Variants in TCF20 observed in about 807,000 individuals in gnomAD.
TCF20 encodes SPRE-binding protein.
A neutral mutation model predicts 148.6 loss-of-function variants in TCF20; 3 were observed. The ratio of observed to expected loss-of-function variants is 0.02; its 90% confidence interval spans 0.01 to 0.05. The LOEUF (loss-of-function observed/expected upper bound fraction) is 0.05, where lower values mean the gene tolerates loss of function less well. Among genes scored for constraint, TCF20 ranks in the 10% least tolerant of loss-of-function variants. The probability of loss-of-function intolerance (pLI) is 1.00; values close to 1 mark genes in which losing one functional copy is unlikely to be tolerated. For missense variants in TCF20, 2,350 were observed against 2,429.3 expected (o/e 0.97, Z 0.69); for synonymous variants, 1,049 against 909.5 (o/e 1.15, Z -2.76).
rs1273937932 is a variant in TCF20 at position 42,317,872 on chromosome 22, C to T, written c.-37+25607G>A. ...CCCATGAGCCAGTAAGAGCCAGATC[C>T]CACTCGAGCCCAGGCGGGGCACCCT... is the stretch of plus-strand genomic sequence containing the variant. On this transcript the variant is annotated intron_variant, in intron 1 of 1. Coordinates refer to the TCF20 transcript ENST00000515426. The surrounding 1 kb of genome is among the most constrained non-coding windows in gnomAD (Gnocchi z 4.2). 6.6e-6 allele frequency among the ~76,000 whole-genome samples: 1 copy of T among 152,214 alleles called. No individual in the cohort carries two copies. Among genetic ancestry groups the T allele is most frequent in the African/African-American group, 2.4e-5 (1 of 41,456 alleles).
upstream of TCF20, among the ~76,000 whole-genome samples, chr22:42,287,885 G>T (rs2147023248): frequency 6.6e-6 from 1 of 151,968 alleles, no homozygotes; most frequent in Non-Finnish European, 1.5e-5. Flanking sequence ...GAAAAGAAAA[G>T]AAAAAAAAGT....
intron 2 of TCF20, among the ~76,000 whole-genome samples, chr22:42,203,688 G>C (rs1184876338): frequency 6.6e-6 from 1 of 152,190 alleles, no homozygotes; most frequent in Non-Finnish European, 1.5e-5. Context: ...CCACCGCCTA[G>C]AGAGTGAGAA....
chr22:42,242,655 G>A (rs189087889), intron 1 of TCF20, among the ~76,000 whole-genome samples: 9 of 152,248 alleles, frequency 5.9e-5, no homozygotes, highest in East Asian at 1.9e-4. Flanking sequence ...GGGAGGCTGA[G>A]GCACGCGGAT....
At chr22:42,320,568 CTAGCACT>C (rs896950256) in intron 1 of TCF20, among the ~76,000 whole-genome samples, 8 of 152,238 alleles carry the variant, frequency 5.3e-5, no homozygotes, top group Non-Finnish European at 2.9e-5. Context: ...TCCCTCTCCC[CTAGCACT>C]TCATCTCCAG....
At position 42,299,303 on chromosome 22, in the gene TCF20, G is replaced by T. The variant is rs893733351; in HGVS notation, c.-37+44176C>A. Among the ~76,000 whole-genome samples, 40 of 152,096 alleles carry T rather than the reference G, an allele frequency of 2.6e-4. No individual in the cohort carries two copies. The highest frequency in any genetic ancestry group is 8.9e-4 in the African/African-American group (37 of 41,378). On this transcript the variant is annotated intron_variant, in intron 1 of 1. Coordinates refer to the TCF20 transcript ENST00000515426. This position sits in a 1 kb window ranked among gnomAD's most constrained non-coding sequence, Gnocchi z 4.1. Reference sequence around the variant, plus strand: ...GTCTGGCTGGGGGTGCAGGAACTGAGGGTCCTTCCCAGCCCCTCTCCCCAC... The same window carrying T: ...GTCTGGCTGGGGGTGCAGGAACTGATGGTCCTTCCCAGCCCCTCTCCCCAC...
intron 1 of TCF20, among the ~76,000 whole-genome samples, chr22:42,295,200 G>C (rs957729349): frequency 3.3e-5 from 5 of 152,168 alleles, no homozygotes; most frequent in Non-Finnish European, 7.3e-5. Flanking sequence ...GGAGAGAGAA[G>C]ACAGTAACAT....
chr22:42,319,095 G>C (rs73886039), intron 1 of TCF20, among the ~76,000 whole-genome samples: 92 of 152,350 alleles, frequency 6.0e-4, no homozygotes, highest in African/African-American at 2.2e-3. Context: ...CAGGCTGGCC[G>C]TGGGAGGGCA....
chr22:42,205,566 A>G (rs1569137887), intron 2 of TCF20, among the ~76,000 whole-genome samples: 1 of 152,266 alleles, frequency 6.6e-6, no homozygotes, highest in Non-Finnish European at 1.5e-5. Context: ...TCTATCTGCT[A>G]AAACCTAGTA....
chr22:42,203,756 C>CT (rs1938199770), intron 2 of TCF20, among the ~76,000 whole-genome samples: 1 of 151,858 alleles, frequency 6.6e-6, no homozygotes, highest in East Asian at 1.9e-4. Flanking sequence ...AGAGAGGGGG[C>CT]TGGGAGGGAG....
rs900757131 is a variant in TCF20 at position 42,297,252 on chromosome 22, G to A, written c.-37+46227C>T. Among the ~76,000 whole-genome samples, 8 of 152,180 alleles carry A rather than the reference G, an allele frequency of 5.3e-5. No individual in the cohort carries two copies. The highest frequency in any genetic ancestry group is 1.7e-4 in the African/African-American group (7 of 41,440). ...AGGGCTACGCTGTAGAACTGACCAG[G>A]GGGCTGAAAAAAGAAAAACAGGTGA... On this transcript the variant is annotated intron_variant, in intron 1 of 1. Transcript: ENST00000515426. The surrounding 1 kb of genome is among the most constrained non-coding windows in gnomAD (Gnocchi z 4.3).
chr22:42,217,799 T>C (rs1311881864), intron 1 of TCF20, among the ~76,000 whole-genome samples: 1 of 152,156 alleles, frequency 6.6e-6, no homozygotes, highest in East Asian at 1.9e-4. Flanking sequence ...ACATGAGAAC[T>C]GAGGAAAGAC....
chr22:42,179,798 G>A, intron 2 of TCF20, 96 bp from the exon 3 acceptor site: 1 of 802,544 alleles, frequency 1.2e-6, no homozygotes, highest in Non-Finnish European at 2.2e-6. Context: ...CTCAGCACGT[G>A]TCTCTGTGGT....
chr22:42,252,188 C>T (rs1290288047), intron 1 of TCF20, among the ~76,000 whole-genome samples: 2 of 150,422 alleles, frequency 1.3e-5, no homozygotes, highest in Non-Finnish European at 3.0e-5. Context: ...TTGGGAGGCT[C>T]AGGCAGGAGA....
rs963252586 is a variant in TCF20, at chr22:42,212,008, A to G, written c.3298T>C (p.Trp1100Arg). The G allele has an allele frequency of 6.2e-7, 1 of 1,614,198 alleles. No individual in the cohort carries two copies. Among genetic ancestry groups the G allele is most frequent in the Non-Finnish European group, 8.5e-7 (1 of 1,180,042 alleles). Residue 1100 changes from tryptophan to arginine, a missense_variant, in exon 2 of 6, where the codon TGG becomes CGG. Trp to Arg is a moderately radical substitution (Grantham distance 101). Transcript: ENST00000677622. Reference sequence around the variant, plus strand: ...ACTCCCTGAGCAGAACCGCTGCTCCAGTCTTTATACTCCTCTGGTTGCTGT... The same window carrying G: ...ACTCCCTGAGCAGAACCGCTGCTCCGGTCTTTATACTCCTCTGGTTGCTGT... ...YQQQPEEYKD[W>R]SSGSAQGVIA... is the part of the protein sequence containing the mutation.
chr22:42,334,965 C>T (rs1449143441), intron 1 of TCF20, among the ~76,000 whole-genome samples: 1 of 152,154 alleles, frequency 6.6e-6, no homozygotes, highest in Non-Finnish European at 1.5e-5. Flanking sequence ...GACTCCACAC[C>T]CCATCCCGTG....
chr22:42,190,717 AT>A (rs1937288315), intron 2 of TCF20, among the ~76,000 whole-genome samples: 1 of 152,180 alleles, frequency 6.6e-6, no homozygotes, highest in South Asian at 2.1e-4. Context: ...TTTAGAGCGT[AT>A]TTTACAGGTC....
rs185153607 is a variant in TCF20 at position 42,215,985 on chromosome 22, G to C, written c.-36-644C>G. ...CCAAACTCAACCAGATTAAAATATG[G>C]GGCTGTGTTATTACTGTCAATGAAA... On this transcript the variant is annotated intron_variant, in intron 1 of 5. Coordinates refer to ENST00000677622, the MANE Select transcript of TCF20 (RefSeq NM_001378418.1). Among the ~76,000 whole-genome samples the C allele has an allele frequency of 1.5e-3, 227 of 151,326 alleles. 1 individual carries two copies. Among genetic ancestry groups the C allele is most frequent in the Middle Eastern group, 0.014 (4 of 292 alleles).
chr22:42,268,966 T>G (rs5758689), intron 1 of TCF20, among the ~76,000 whole-genome samples: 27,311 of 152,070 alleles, frequency 0.18, 2,692 homozygotes, highest in East Asian at 0.34. Context: ...AAATGAGAGA[T>G]AAAAAAGCAA....
chr22:42,182,018 GA>G (rs1936802192), intron 2 of TCF20, among the ~76,000 whole-genome samples: 1 of 152,208 alleles, frequency 6.6e-6, no homozygotes, highest in Non-Finnish European at 1.5e-5. Flanking sequence ...GGACAGCCCT[GA>G]AGACAAAGCC....
Sources: allele counts gnomAD v4.1 joint callset (sites outside exome capture counted in the v4.1 genomes callset), GRCh38; gene constraint gnomAD v4.1.1; non-coding constraint Gnocchi (gnomAD v3.1); transcripts MANE v1.5; gene names NCBI Gene and HGNC (gene_info 2026-07-23, HGNC 2026-07-21).